Variants in TTC39A observed in about 807,000 individuals in gnomAD.
The protein encoded by TTC39A is tetratricopeptide repeat domain 39A, also known as tetratricopeptide repeat protein 39A.
Under a neutral mutation model 82.3 loss-of-function variants are expected in TTC39A, and 46 were observed. The observed-to-expected ratio is 0.56, with a 90% CI of 0.44 to 0.71. The LOEUF (loss-of-function observed/expected upper bound fraction) is 0.71, where lower values mean the gene tolerates loss of function less well. TTC39A is among the 30% of genes least tolerant of loss of function. TTC39A has a pLI of 0.00. For missense variants in TTC39A, 543 were observed against 712.9 expected, an observed-to-expected ratio of 0.76 and a Z score of 2.71; for synonymous variants, 254 against 275.2, an observed-to-expected ratio of 0.92 and a Z score of 0.76.
chr1:51,318,852 C>T (rs1312605152), intron 2 of TTC39A, among the ~76,000 whole-genome samples: 1 of 152,172 alleles, frequency 6.6e-6, no homozygotes, highest in Non-Finnish European at 1.5e-5. Context: ...ACCCCACCAA[C>T]TACAAGGCAG....
chr1:51,325,267 A>C (rs942712303), intron 1 of TTC39A, among the ~76,000 whole-genome samples: 1 of 152,076 alleles, frequency 6.6e-6, no homozygotes, highest in African/African-American at 2.4e-5. Context: ...AAAAAAAAAA[A>C]AAACCACAAA....
chr1:51,292,124 T>C (rs1309327992), intron 14 of TTC39A, among the ~76,000 whole-genome samples: 1 of 152,018 alleles, frequency 6.6e-6, no homozygotes, highest in Admixed American at 6.6e-5. Context: ...TTTGAGGCTG[T>C]GGTGAGCTGA....
At position 51,330,383 on chromosome 1, in the gene TTC39A, C is replaced by T. The variant is rs1255522174; in HGVS notation, c.41+54G>A. 3 of 961,834 alleles carry T rather than the reference C, an allele frequency of 3.1e-6. No homozygotes were observed. Among genetic ancestry groups the T allele is most frequent in the Non-Finnish European group, 2.5e-6 (2 of 811,902 alleles). The allele number at this position is 961,834 out of a possible 1,614,324, so 59.6% of individuals were successfully genotyped here. On this transcript the variant is annotated intron_variant, in intron 1 of 17. Transcript: ENST00000680483. The surrounding 1 kb of genome is among the most constrained non-coding windows in gnomAD (Gnocchi z 4.5). ...GCCTGGCGCGGCGCCCGCCACCTGCCCGGGCCCCAGCCCGCGCCGCCCGCG... is the reference window on the plus strand; with the variant it reads ...GCCTGGCGCGGCGCCCGCCACCTGCTCGGGCCCCAGCCCGCGCCGCCCGCG...
At chr1:51,325,082 C>T (rs1305967322) in intron 1 of TTC39A, among the ~76,000 whole-genome samples, 3 of 151,698 alleles carry the variant, frequency 2.0e-5, no homozygotes, top group Non-Finnish European at 2.9e-5. Flanking sequence ...TGGAGAAACC[C>T]CGCCTCTACT....
At chr1:51,325,114 C>T (rs916207101) in intron 1 of TTC39A, among the ~76,000 whole-genome samples, 2 of 151,978 alleles carry the variant, frequency 1.3e-5, no homozygotes, top group African/African-American at 4.8e-5. Context: ...ATTAACTGGG[C>T]GTGGTGGCAT....
At chr1:51,336,740 C>A (rs1401194093) in intron 1 of TTC39A, among the ~76,000 whole-genome samples, 2 of 152,156 alleles carry the variant, frequency 1.3e-5, no homozygotes, top group East Asian at 3.8e-4. Context: ...CCAGGGCTTG[C>A]ACCTGACACC....
chr1:51,336,133 G>C (rs1462554587), upstream of TTC39A, among the ~76,000 whole-genome samples: 1 of 152,066 alleles, frequency 6.6e-6, no homozygotes, highest in African/African-American at 2.4e-5. Context: ...TTTCCTTAAA[G>C]CGAGTGAGCC....
intron 1 of TTC39A, among the ~76,000 whole-genome samples, chr1:51,342,293 G>A (rs758199275): frequency 3.3e-5 from 5 of 152,164 alleles, no homozygotes; most frequent in Admixed American, 6.5e-5. Context: ...AATCCCCTCT[G>A]CTCAATGCAA....
intron 14 of TTC39A, among the ~76,000 whole-genome samples, chr1:51,293,604 G>C (rs1644303868): frequency 6.6e-6 from 1 of 152,210 alleles, no homozygotes; most frequent in African/African-American, 2.4e-5. Context: ...AGTACAGCCA[G>C]GACCAGAAAA....
chr1:51,333,988 C>A (rs770120786), upstream of TTC39A, among the ~76,000 whole-genome samples: 31 of 152,136 alleles, frequency 2.0e-4, no homozygotes, highest in Admixed American at 1.0e-3. Flanking sequence ...CACTTTACCA[C>A]CTCTCTGAGC....
At chr1:51,338,662 G>C (rs1646001865) in intron 1 of TTC39A, among the ~76,000 whole-genome samples, 2 of 148,578 alleles carry the variant, frequency 1.3e-5, no homozygotes, top group South Asian at 4.3e-4. Context: ...GAGCGTAGTG[G>C]TACGATCTTG....
intron 6 of TTC39A, among the ~76,000 whole-genome samples, chr1:51,308,715 T>G (rs1042950733): frequency 3.3e-5 from 5 of 152,184 alleles, no homozygotes; most frequent in Admixed American, 6.5e-5. Context: ...CTGGGCCAGT[T>G]TGAATGTCAA....
intron 2 of TTC39A, among the ~76,000 whole-genome samples, chr1:51,314,580 A>G (rs1379559087): frequency 6.6e-6 from 1 of 152,206 alleles, no homozygotes; most frequent in Non-Finnish European, 1.5e-5. Flanking sequence ...TTGAGGGTCA[A>G]AGGAAGGAAA....
intron 11 of TTC39A, 92 bp downstream of exon 11, chr1:51,302,240 GCCCCCCCCCCGCCCCCAGTCTATCC>G: frequency 1.6e-6 from 1 of 623,716 alleles, no homozygotes; most frequent in Non-Finnish European, 2.9e-6. Flanking sequence ...TTCTCTCTTG[GCCCCCCCCCCGCCCCCAGTCTATCC>G]TGTCCCTGAG....
chr1:51,303,239 C>T (rs1322372101), intron 8 of TTC39A, 47 bp from the exon 9 acceptor site: 1 of 1,501,762 alleles, frequency 6.7e-7, no homozygotes, highest in South Asian at 1.2e-5. Flanking sequence ...GGGCAGGGGC[C>T]TGGGAGGCAG....
chr1:51,330,348 G>T lies in TTC39A; in HGVS notation c.41+89C>A. 1.1e-6 allele frequency: 1 copy of T among 918,548 alleles called. No individual in the cohort carries two copies. Among genetic ancestry groups the T allele is most frequent in the African/African-American group, 1.8e-5 (1 of 55,614 alleles). The allele number at this position is 918,548 out of a possible 1,614,324, so 56.9% of individuals were successfully genotyped here. On this transcript the variant is annotated intron_variant, in intron 1 of 17. Coordinates refer to ENST00000680483, the MANE Select transcript of TTC39A (RefSeq NM_001297663.2). This position sits in a 1 kb window ranked among gnomAD's most constrained non-coding sequence, Gnocchi z 4.5. ...CCGCAGTGCGGCCCCAGGCCGGTGC[G>T]CGGGGGGAGGCCTGGCGCGGCGCCC...
chr1:51,290,408 G>A, intron 15 of TTC39A, 106 bp downstream of exon 15: 1 of 999,964 alleles, frequency 1.0e-6, no homozygotes, highest in Non-Finnish European at 1.5e-6. Flanking sequence ...AGATAAAGGA[G>A]AGTTGCCAGG....
At chr1:51,295,816 G>A (rs779119589) in intron 13 of TTC39A, 5 of 548,052 alleles carry the variant, frequency 9.1e-6, no homozygotes, top group Non-Finnish European at 1.3e-5. Context: ...AAAGAGACTC[G>A]GAGGAAGACG....
At chr1:51,344,168 G>A (rs1289570753) in intron 1 of TTC39A, among the ~76,000 whole-genome samples, 1 of 152,216 alleles carries the variant, frequency 6.6e-6, no homozygotes, top group Non-Finnish European at 1.5e-5. Flanking sequence ...GGGGACACCG[G>A]AGGAGGAACA....
Sources: gnomAD v4.1 joint callset for allele counts (sites outside exome capture counted in the v4.1 genomes callset) on GRCh38, gnomAD v4.1.1 for gene constraint, Gnocchi (gnomAD v3.1) non-coding constraint, MANE v1.5 for transcripts, NCBI Gene and HGNC (gene_info 2026-07-23, HGNC 2026-07-21) for gene names.